Variants in FMN2 observed in about 807,000 individuals in gnomAD.
FMN2 encodes the protein formin-2.
In FMN2, 51 loss-of-function variants were observed where a neutral mutation model predicts 142.3. That is an observed-to-expected ratio of 0.36 (90% CI 0.29 to 0.45). The LOEUF (loss-of-function observed/expected upper bound fraction) is 0.45. Ranked by LOEUF, FMN2 falls within the 20% of genes least tolerant of loss-of-function variation. FMN2 has a pLI of 1.00. For missense variants in FMN2, 1,936 were observed against 2,122.8 expected (o/e 0.91, Z 1.73); for synonymous variants, 882 against 869.8 (o/e 1.01, Z -0.25).
intron 15 of FMN2, among the ~76,000 whole-genome samples, chr1:240,420,505 C>T (rs148786007): frequency 3.2e-4 from 49 of 152,296 alleles, no homozygotes; most frequent in African/African-American, 1.2e-3. Flanking sequence ...AGGGATGTCT[C>T]CTTAATTGTT....
chr1:240,264,055 G>A lies in FMN2; in HGVS notation c.4153+6023G>A, dbSNP rs948200188. ...TCAATAAAATTGTAGTTATTTTTAT[G>A]TTTTAATTTCTGAGCCTAATGATTG... is the stretch of plus-strand genomic sequence containing the variant. On this transcript the variant is annotated intron_variant, in intron 7 of 17. Transcript: ENST00000319653. Among the ~76,000 whole-genome samples, 8 of 152,234 alleles carry A rather than the reference G, an allele frequency of 5.3e-5. 1 individual carries two copies. In the South Asian group the frequency reaches 1.0e-3, roughly 20 times the overall value.
intron 2 of FMN2, among the ~76,000 whole-genome samples, chr1:240,176,360 C>T (rs1664911864): frequency 6.6e-6 from 1 of 152,160 alleles, no homozygotes; most frequent in East Asian, 1.9e-4. Context: ...AGAGTCAGAG[C>T]GTGGCCAGCT....
intron 15 of FMN2, among the ~76,000 whole-genome samples, chr1:240,428,362 G>A (rs1202084659): frequency 7.1e-6 from 1 of 141,320 alleles, no homozygotes; most frequent in East Asian, 2.5e-4. Context: ...CTCCCAAGTA[G>A]CTGGGCAGGT....
intron 14 of FMN2, among the ~76,000 whole-genome samples, chr1:240,389,702 A>G (rs1673539999): frequency 6.6e-6 from 1 of 152,210 alleles, no homozygotes; most frequent in Non-Finnish European, 1.5e-5. Flanking sequence ...CTGTAATCTC[A>G]ACACTTTGAG....
chr1:240,137,542 G>C, intron 2 of FMN2, among the ~76,000 whole-genome samples: 1 of 152,172 alleles, frequency 6.6e-6, no homozygotes, highest in East Asian at 1.9e-4. Flanking sequence ...TTTATTCTCT[G>C]AGCTTTTCTT....
intron 5 of FMN2, among the ~76,000 whole-genome samples, 165 bp from the exon 6 acceptor site, chr1:240,210,925 AT>A (rs1666666731): frequency 6.6e-6 from 1 of 152,174 alleles, no homozygotes; most frequent in South Asian, 2.1e-4. Flanking sequence ...GATCAAACAA[AT>A]GGTGGTCTTA....
chr1:240,123,524 A>G (rs909748766), intron 2 of FMN2, among the ~76,000 whole-genome samples, 179 bp downstream of exon 2: 1 of 149,162 alleles, frequency 6.7e-6, no homozygotes, highest in Non-Finnish European at 1.5e-5. Context: ...AAAAAAAAAG[A>G]AAGAAAAAAA....
At chr1:240,464,235 C>T (rs1676540427) in intron 16 of FMN2, among the ~76,000 whole-genome samples, 1 of 152,060 alleles carries the variant, frequency 6.6e-6, no homozygotes, top group South Asian at 2.1e-4. Context: ...CATCCACACC[C>T]ATCATTACTA....
At chr1:240,347,576 G>A (rs190615935) in intron 13 of FMN2, among the ~76,000 whole-genome samples, 6 of 152,050 alleles carry the variant, frequency 3.9e-5, no homozygotes, top group Admixed American at 2.0e-4. Flanking sequence ...TTTTAGAATC[G>A]GGGGTACATG....
chr1:240,325,460 A>T (rs1671139492), intron 8 of FMN2, among the ~76,000 whole-genome samples: 1 of 152,134 alleles, frequency 6.6e-6, no homozygotes, highest in Non-Finnish European at 1.5e-5. Context: ...TTCTCATATA[A>T]ATGCACATGT....
chr1:240,298,442 A>G (rs1477815046), intron 8 of FMN2, among the ~76,000 whole-genome samples: 2 of 152,182 alleles, frequency 1.3e-5, no homozygotes, highest in Non-Finnish European at 2.9e-5. Context: ...AGTATTTGGA[A>G]CAGTTCTTCC....
chr1:240,158,622 T>C (rs1313307759), intron 2 of FMN2, among the ~76,000 whole-genome samples: 2 of 152,138 alleles, frequency 1.3e-5, no homozygotes. Flanking sequence ...CTGAATTTGA[T>C]CCATCTCCCA....
At chr1:240,252,863 C>G (rs962142117) in intron 6 of FMN2, among the ~76,000 whole-genome samples, 3 of 150,976 alleles carry the variant, frequency 2.0e-5, no homozygotes. Context: ...GGTTTTTGAT[C>G]CCTTTCATTT....
At chr1:240,195,933 A>G (rs1665893913) in intron 4 of FMN2, among the ~76,000 whole-genome samples, 1 of 152,202 alleles carries the variant, frequency 6.6e-6, no homozygotes, top group South Asian at 2.1e-4. Flanking sequence ...ACCTGAGCCC[A>G]GGAGGTCAAG....
At position 240,093,470 on chromosome 1, in the gene FMN2, G is replaced by A. The variant is rs949474137; in HGVS notation, c.1361G>A (p.Gly454Glu). 1 of 1,612,008 alleles carries A rather than the reference G, an allele frequency of 6.2e-7. No homozygotes were observed. The highest frequency in any genetic ancestry group is 1.7e-5 in the Admixed American group (1 of 59,864). The change falls in exon 1 of 18, where the codon GGG becomes GAG. Residue 454 changes from glycine (G) to glutamate (E), a missense_variant. By Grantham distance (98) the Gly-to-Glu change is moderately conservative. Around this residue, in one of 8 missense-constraint regions of FMN2, gnomAD observed 751 missense variants for 791.8 expected, o/e 0.95. Coordinates refer to ENST00000319653, the MANE Select transcript of FMN2 (RefSeq NM_020066.5). Reference protein sequence around the residue: ...KRRPEPSLSRGSRTALASVAA... With the variant: ...KRRPEPSLSRESRTALASVAA... The stretch of plus-strand genomic sequence containing the variant: ...CGGCCGGAACCCTCCCTGAGCCGAG[G>A]GTCCAGAACTGCCCTGGCCTCCGTA...
At chr1:240,324,677 AAG>A (rs764097978) in intron 8 of FMN2, among the ~76,000 whole-genome samples, 251 of 137,088 alleles carry the variant, frequency 1.8e-3, no homozygotes, top group South Asian at 6.4e-3. Context: ...GAAAGAAGGA[AAG>A]AGAGAGAGAG....
chr1:240,324,793 C>CA (rs11392877), intron 8 of FMN2, among the ~76,000 whole-genome samples: 20,746 of 146,814 alleles, frequency 0.14, 1,650 homozygotes, highest in African/African-American at 0.23. Context: ...AACCTTGCAT[C>CA]AAAAAAAAAA....
At chr1:240,455,003 C>T (rs1676191543) in intron 16 of FMN2, among the ~76,000 whole-genome samples, 1 of 151,590 alleles carries the variant, frequency 6.6e-6, no homozygotes, top group South Asian at 2.1e-4. Context: ...GAAAGCTTGG[C>T]TCCTACGTTT....
At chr1:240,381,379 T>C (rs1673221337) in intron 14 of FMN2, among the ~76,000 whole-genome samples, 1 of 152,008 alleles carries the variant, frequency 6.6e-6, no homozygotes, top group Admixed American at 6.5e-5. Context: ...AACATACACA[T>C]GTCAATAAAT....
Sources: gnomAD v4.1 joint callset for allele counts (sites outside exome capture counted in the v4.1 genomes callset) on GRCh38, gnomAD v4.1.1 for gene constraint, gnomAD v4.1.1 regional missense constraint, MANE v1.5 for transcripts, NCBI Gene and HGNC (gene_info 2026-07-23, HGNC 2026-07-21) for gene names.